The following IKBKB variants were observed in gnomAD, a reference collection of about 807,000 sequenced individuals.
IKBKB encodes inhibitor of nuclear factor kappa B kinase subunit beta.
Under a neutral mutation model 113.6 loss-of-function variants are expected in IKBKB, and 42 were observed. The ratio of observed to expected loss-of-function variants is 0.37; its 90% CI spans 0.29 to 0.48. The LOEUF (loss-of-function observed/expected upper bound fraction) is 0.48. IKBKB is among the 20% of genes least tolerant of loss of function. The pLI, the probability that IKBKB is intolerant of heterozygous loss-of-function variation, is 0.99. For missense variants in IKBKB, 673 were observed against 939.7 expected (o/e 0.72, Z 3.71); for synonymous variants, 296 against 361.3 (o/e 0.82, Z 2.05).
At chr8:42,298,022 C>A in intron 5 of IKBKB, 1 of 882,432 alleles carries the variant, frequency 1.1e-6, no homozygotes, top group South Asian at 5.2e-5. Context: ...CCATGTGGAG[C>A]AGCTGGAAAT....
intron 2 of IKBKB, among the ~76,000 whole-genome samples, chr8:42,282,250 C>G (rs977531819): frequency 1.3e-5 from 2 of 152,154 alleles, no homozygotes; most frequent in East Asian, 3.9e-4. Context: ...GCAGCATGAT[C>G]ACAGCTCAAC....
At chr8:42,320,432 T>C in intron 15 of IKBKB, 2 of 300,570 alleles carry the variant, frequency 6.7e-6, no homozygotes, top group Non-Finnish European at 1.3e-5. Context: ...CCAGGCACCA[T>C]GCCAGAGGCT....
intron 5 of IKBKB, among the ~76,000 whole-genome samples, chr8:42,296,279 C>T (rs535626469): frequency 6.6e-6 from 1 of 151,630 alleles, no homozygotes; most frequent in Non-Finnish European, 1.5e-5. Flanking sequence ...GACGGATCAC[C>T]TGAGGTCAGG....
Position 42,271,336 on chromosome 8 carries a change from C to G in IKBKB, c.-152C>G, listed in dbSNP as rs1455104198. ...GAGCAGGAAGTGTTTGAGGAAGTCGCGCCGCGCTGCCCGCGTTAAGATTCC... is the reference window on the plus strand; with the variant it reads ...GAGCAGGAAGTGTTTGAGGAAGTCGGGCCGCGCTGCCCGCGTTAAGATTCC... On this transcript the variant is annotated 5_prime_UTR_variant, in exon 1 of 22. Transcript: ENST00000520810. The G allele has an allele frequency of 8.5e-7, 1 of 1,173,426 alleles. No homozygotes were observed. Among genetic ancestry groups the G allele is most frequent in the South Asian group, 1.3e-5 (1 of 76,920 alleles). 72.7% of individuals were successfully genotyped at this position (1,173,426 alleles called of 1,614,324 possible).
intron 2 of IKBKB, among the ~76,000 whole-genome samples, chr8:42,288,088 A>G (rs1375149161): frequency 1.3e-5 from 2 of 152,124 alleles, no homozygotes; most frequent in African/African-American, 4.8e-5. Flanking sequence ...CTGGATGGAT[A>G]GAAATGAGGT....
chr8:42,315,004 A>G (rs1478896359), intron 9 of IKBKB, among the ~76,000 whole-genome samples: 1 of 152,108 alleles, frequency 6.6e-6, no homozygotes, highest in African/African-American at 2.4e-5. Context: ...ACCTTGTATC[A>G]CATTCGGTTT....
chr8:42,285,528 C>T (rs1003574661), intron 2 of IKBKB, among the ~76,000 whole-genome samples: 1 of 152,224 alleles, frequency 6.6e-6, no homozygotes, highest in Non-Finnish European at 1.5e-5. Context: ...GCACTGCAGC[C>T]TGGGCAACAG....
chr8:42,284,156 A>G (rs112080257), intron 2 of IKBKB, among the ~76,000 whole-genome samples: 1 of 152,338 alleles, frequency 6.6e-6, no homozygotes, highest in South Asian at 2.1e-4. Context: ...CCTAGAGGCT[A>G]TGAAGTCCAA....
intron 5 of IKBKB, among the ~76,000 whole-genome samples, chr8:42,294,658 C>T (rs1305370740): frequency 1.3e-5 from 2 of 152,346 alleles, no homozygotes; most frequent in East Asian, 3.9e-4. Context: ...GTGTCTTCGT[C>T]CCTTTGGGTG....
chr8:42,326,398 C>A, intron 20 of IKBKB: 1 of 321,006 alleles, frequency 3.1e-6, no homozygotes, highest in South Asian at 3.2e-5. Flanking sequence ...ACATTCCCTT[C>A]AGGGAGGCCC....
At chr8:42,284,205 G>A (rs757843504) in intron 2 of IKBKB, among the ~76,000 whole-genome samples, 2 of 152,192 alleles carry the variant, frequency 1.3e-5, no homozygotes, top group Non-Finnish European at 2.9e-5. Flanking sequence ...GAAAGGGCAA[G>A]AGACAAAAGG....
At chr8:42,289,804 T>A (rs1736632177) in intron 3 of IKBKB, among the ~76,000 whole-genome samples, 2 of 152,160 alleles carry the variant, frequency 1.3e-5, no homozygotes, top group South Asian at 4.2e-4. Context: ...AGGCACCACC[T>A]TGTTTGCCTG....
chr8:42,278,305 A>C (rs1809612565), intron 2 of IKBKB, among the ~76,000 whole-genome samples: 1 of 152,176 alleles, frequency 6.6e-6, no homozygotes, highest in African/African-American at 2.4e-5. Flanking sequence ...GGACGGTGCA[A>C]GTCAGATCCT....
At chr8:42,287,326 G>A (rs1385299194) in intron 2 of IKBKB, among the ~76,000 whole-genome samples, 1 of 152,242 alleles carries the variant, frequency 6.6e-6, no homozygotes, top group Non-Finnish European at 1.5e-5. Flanking sequence ...CCATGAAGAT[G>A]GACAAGTCTA....
At chr8:42,313,777 G>A (rs1435091277) in intron 8 of IKBKB, among the ~76,000 whole-genome samples, 1 of 152,182 alleles carries the variant, frequency 6.6e-6, no homozygotes, top group Non-Finnish European at 1.5e-5. Context: ...CTCTGCTAAA[G>A]GTTGCTCTTC....
intron 7 of IKBKB, among the ~76,000 whole-genome samples, chr8:42,308,632 C>G (rs1471253678): frequency 2.6e-5 from 4 of 152,176 alleles, no homozygotes; most frequent in Non-Finnish European, 5.9e-5. Context: ...GAAGTTAAAG[C>G]CTAGCGATGG....
intron 11 of IKBKB, among the ~76,000 whole-genome samples, 194 bp from the exon 12 acceptor site, chr8:42,317,463 C>CGTTT (rs1296069480): frequency 6.6e-6 from 1 of 152,120 alleles, no homozygotes; most frequent in African/African-American, 2.4e-5. Flanking sequence ...GAATGTAATA[C>CGTTT]GTTTGTAAAT....
intron 1 of IKBKB, 129 bp from the exon 2 acceptor site, chr8:42,271,954 A>G: frequency 9.6e-7 from 1 of 1,044,550 alleles, no homozygotes; most frequent in Non-Finnish European, 1.4e-6. Context: ...TTCTTTACAA[A>G]ATAAAAAACC....
chr8:42,318,624 A>G lies in IKBKB; in HGVS notation c.1313A>G (p.Gln438Arg), dbSNP rs1819158202. The G allele has an allele frequency of 6.2e-7, 1 of 1,613,934 alleles. No individual in the cohort carries two copies. Among genetic ancestry groups the G allele is most frequent in the African/African-American group, 1.3e-5 (1 of 74,944 alleles). ...TGGGGCCAGGTCTGGCACAGCATCC[A>G]GACCCTGAAGGAAGATTGCAACCGG... ...KVWGQVWHSI[Q>R]TLKEDCNRLQ... Residue 438 changes from glutamine to arginine, a missense_variant, in exon 13 of 22, where the codon CAG becomes CGG. By Grantham distance (43) the Gln-to-Arg change is conservative. Coordinates refer to ENST00000520810, the MANE Select transcript of IKBKB (RefSeq NM_001556.3).
Sources: gnomAD v4.1 joint callset for allele counts (sites outside exome capture counted in the v4.1 genomes callset) on GRCh38, gnomAD v4.1.1 for gene constraint, MANE v1.5 for transcripts, NCBI Gene and HGNC (gene_info 2026-07-23, HGNC 2026-07-21) for gene names.